The following SLC28A3 variants were observed in gnomAD, a reference collection of about 807,000 sequenced individuals.
SLC28A3 encodes solute carrier family 28 member 3.
SLC28A3 carries 68 observed loss-of-function variants against 84.2 expected under a neutral mutation model. That is an observed-to-expected ratio of 0.81 (90% confidence interval 0.66 to 0.99). The LOEUF (loss-of-function observed/expected upper bound fraction) is 0.99. SLC28A3 is among the 50% of genes least tolerant of loss of function. The probability of loss-of-function intolerance (pLI) is 0.00; values close to 1 mark genes in which losing one functional copy is unlikely to be tolerated. For synonymous variants in SLC28A3, 267 were observed against 303.6 expected (o/e 0.88, Z 1.25); for missense variants, 712 against 841.5 (o/e 0.85, Z 1.90).
At chr9:84,311,861 AC>A (rs1372244391) in intron 2 of SLC28A3, among the ~76,000 whole-genome samples, 1 of 152,202 alleles carries the variant, frequency 6.6e-6, no homozygotes, top group East Asian at 1.9e-4. Flanking sequence ...TCTCAAAAAA[AC>A]AAAAAACCCC....
rs1445183646 is a variant in SLC28A3 at position 84,285,357 on chromosome 9, C to G, written c.1635G>C (p.Gln545His). Residue 545 changes from glutamine (Q) to histidine (H), a missense_variant, in exon 14 of 18, where the codon CAG becomes CAC. Coordinates refer to ENST00000376238, the MANE Select transcript of SLC28A3 (RefSeq NM_001199633.2). ...AATATTTACTCACTGATATATATTG[C>G]TGCACACCGTTTACAAATTTGGGTC... ...EGGPKFVNGV[Q>H]QYISIRSEII... The G allele has an allele frequency of 3.1e-6, 5 of 1,614,044 alleles. No homozygotes were observed. Among genetic ancestry groups the G allele is most frequent in the Non-Finnish European group, 3.4e-6 (4 of 1,179,942 alleles).
the SLC28A3 span, among the ~76,000 whole-genome samples, chr9:84,347,970 C>T: frequency 6.6e-6 from 1 of 152,106 alleles, no homozygotes; most frequent in Non-Finnish European, 1.5e-5. Context: ...TTGCACTGGT[C>T]AGCTCTCTCC....
intron 1 of SLC28A3, among the ~76,000 whole-genome samples, chr9:84,323,820 C>A (rs1826461783): frequency 6.6e-6 from 1 of 152,000 alleles, no homozygotes; most frequent in South Asian, 2.1e-4. Flanking sequence ...CCCCTCCCCT[C>A]CAAATCTGGC....
chr9:84,305,400 A>T, intron 3 of SLC28A3, 55 bp from the exon 4 acceptor site: 1 of 1,415,540 alleles, frequency 7.1e-7, no homozygotes, highest in Non-Finnish European at 1.0e-6. Flanking sequence ...ACATGAAATA[A>T]ACTGCATGGT....
At chr9:84,318,608 C>T (rs532498340) in intron 1 of SLC28A3, among the ~76,000 whole-genome samples, 4 of 152,180 alleles carry the variant, frequency 2.6e-5, no homozygotes, top group African/African-American at 9.6e-5. Context: ...GTGACTCACC[C>T]CTGTAATCCC....
At chr9:84,366,298 A>G in the SLC28A3 span, among the ~76,000 whole-genome samples, 1 of 152,058 alleles carries the variant, frequency 6.6e-6, no homozygotes, top group Admixed American at 6.5e-5. Flanking sequence ...CTTCTGTGTT[A>G]TCTTGAATCT....
chr9:84,327,005 C>G (rs1826585106), intron 1 of SLC28A3, among the ~76,000 whole-genome samples: 2 of 151,800 alleles, frequency 1.3e-5, no homozygotes, highest in African/African-American at 4.8e-5. Flanking sequence ...AAGATTCTGT[C>G]TCAAAAAACA....
intron 1 of SLC28A3, among the ~76,000 whole-genome samples, chr9:84,334,044 C>T (rs1000973710): frequency 6.6e-6 from 1 of 152,252 alleles, no homozygotes; most frequent in Non-Finnish European, 1.5e-5. Flanking sequence ...GTGGCTCACG[C>T]CTGTAATCCC....
intron 10 of SLC28A3, 127 bp downstream of exon 10, chr9:84,292,541 G>A: frequency 1.5e-6 from 1 of 645,858 alleles, no homozygotes. Flanking sequence ...TGCCAATACT[G>A]GGGGTTTCTT....
At position 84,310,344 on chromosome 9, in the gene SLC28A3, T is replaced by C. The variant is rs535119579; in HGVS notation, c.157-630A>G. The C allele has an allele frequency of 8.0e-4, 748 of 937,606 alleles. 1 individual carries two copies. Among genetic ancestry groups the C allele is most frequent in the Non-Finnish European group, 9.3e-4 (730 of 786,596 alleles). 58.1% of individuals were successfully genotyped at this position (937,606 alleles called of 1,614,324 possible). On this transcript the variant is annotated intron_variant, in intron 2 of 17. Transcript: ENST00000376238. ...CCCATTTTTTCATGGACAATCTTTC[T>C]AGGTACAGTTTGAGCTCTCAAATAT...
upstream of SLC28A3, among the ~76,000 whole-genome samples, chr9:84,341,445 G>A (rs1333203443): frequency 6.6e-6 from 1 of 152,140 alleles, no homozygotes; most frequent in Non-Finnish European, 1.5e-5. Context: ...TAGATACATA[G>A]ACAGATAGGT....
the SLC28A3 span, among the ~76,000 whole-genome samples, chr9:84,350,887 A>C: frequency 6.6e-6 from 1 of 152,018 alleles, no homozygotes; most frequent in South Asian, 2.1e-4. Flanking sequence ...TGATTTTTGT[A>C]TTTTTAGTAG....
chr9:84,278,893 A>AAGAT (rs1174842409), intron 17 of SLC28A3, among the ~76,000 whole-genome samples: 9 of 151,924 alleles, frequency 5.9e-5, no homozygotes, highest in East Asian at 5.8e-4. Context: ...AAAAAAAAAA[A>AAGAT]AGATAGTGCC....
At chr9:84,307,013 A>AG (rs1825814919) in intron 3 of SLC28A3, among the ~76,000 whole-genome samples, 1 of 150,070 alleles carries the variant, frequency 6.7e-6, no homozygotes. Flanking sequence ...AAAAAAAAAA[A>AG]AAAAAAAGCT....
the SLC28A3 span, among the ~76,000 whole-genome samples, chr9:84,348,313 C>A: frequency 4.1e-5 from 6 of 146,598 alleles, no homozygotes; most frequent in African/African-American, 1.5e-4. Flanking sequence ...GAGATCACAG[C>A]ACTGCACTCC....
the SLC28A3 span, among the ~76,000 whole-genome samples, chr9:84,356,076 C>T: frequency 1.3e-5 from 2 of 152,140 alleles, no homozygotes; most frequent in African/African-American, 2.4e-5. Context: ...GCCTCAGCCT[C>T]CCAAAGTGCT....
intron 3 of SLC28A3, 143 bp downstream of exon 3, chr9:84,309,486 G>GGGTGA (rs1825909790): frequency 3.3e-6 from 2 of 598,976 alleles, no homozygotes; most frequent in East Asian, 6.0e-5. Flanking sequence ...TCACATCACT[G>GGGTGA]CACTCCAGCC....
At chr9:84,319,360 G>A (rs1826284010) in intron 1 of SLC28A3, among the ~76,000 whole-genome samples, 1 of 152,042 alleles carries the variant, frequency 6.6e-6, no homozygotes, top group Non-Finnish European at 1.5e-5. Flanking sequence ...TCCAGAGCTG[G>A]GGGCTAGTTA....
At chr9:84,321,252 T>C (rs956096996) in intron 1 of SLC28A3, among the ~76,000 whole-genome samples, 2 of 152,140 alleles carry the variant, frequency 1.3e-5, no homozygotes, top group Admixed American at 1.3e-4. Context: ...ATTCTTACTC[T>C]CATTTGCTTC....
Sources: allele counts gnomAD v4.1 joint callset (sites outside exome capture counted in the v4.1 genomes callset), GRCh38; gene constraint gnomAD v4.1.1; transcripts MANE v1.5; gene names NCBI Gene and HGNC (gene_info 2026-07-23, HGNC 2026-07-21).